Variants in PDZRN3 observed in about 807,000 individuals in gnomAD.
PDZRN3 encodes E3 ubiquitin-protein ligase PDZRN3.
A neutral mutation model predicts 85.7 loss-of-function variants in PDZRN3; 38 were observed. That is an observed-to-expected ratio of 0.44 (90% CI 0.34 to 0.58). The LOEUF (loss-of-function observed/expected upper bound fraction) is 0.58. PDZRN3 is among the 20% of genes least tolerant of loss of function. PDZRN3 has a pLI of 0.01. For missense variants in PDZRN3, 1,629 were observed against 1,506.4 expected, an observed-to-expected ratio of 1.08 and a Z score of -1.35; for synonymous variants, 759 against 638.0, an observed-to-expected ratio of 1.19 and a Z score of -2.86.
chr3:73,533,250 G>A (rs1704701019), intron 3 of PDZRN3, among the ~76,000 whole-genome samples: 1 of 152,124 alleles, frequency 6.6e-6, no homozygotes, highest in Non-Finnish European at 1.5e-5. Flanking sequence ...TAAGGCAAAA[G>A]CAACTGAATC....
chr3:73,543,549 C>T (rs1701338560), intron 3 of PDZRN3, among the ~76,000 whole-genome samples: 1 of 152,218 alleles, frequency 6.6e-6, no homozygotes, highest in African/African-American at 2.4e-5. Context: ...TTTCTCTTTA[C>T]TAGGGTTTCT....
At chr3:73,504,685 A>G (rs1206487894) in intron 3 of PDZRN3, among the ~76,000 whole-genome samples, 2 of 152,184 alleles carry the variant, frequency 1.3e-5, no homozygotes, top group African/African-American at 4.8e-5. Context: ...AAGTGAAATA[A>G]TGCTGTGACT....
At chr3:73,526,762 A>G (rs890587639) in intron 3 of PDZRN3, among the ~76,000 whole-genome samples, 4 of 152,032 alleles carry the variant, frequency 2.6e-5, no homozygotes, top group Admixed American at 2.6e-4. Flanking sequence ...ATCTCGACTC[A>G]CTGCAACCTC....
intron 3 of PDZRN3, among the ~76,000 whole-genome samples, chr3:73,501,028 ATCTTC>A (rs1481715778): frequency 1.3e-5 from 2 of 151,892 alleles, no homozygotes; most frequent in Non-Finnish European, 2.9e-5. Flanking sequence ...CTTGTTTTCC[ATCTTC>A]TCTTCTCTTT....
chr3:73,624,057 C>G (rs1057444725), intron 1 of PDZRN3, 46 bp downstream of exon 1: 88 of 1,393,730 alleles, frequency 6.3e-5, no homozygotes, highest in Non-Finnish European at 8.1e-5. Context: ...GGCCCTGGGT[C>G]CCCAGGGATC....
At chr3:73,482,124 T>C (rs1020428571) in intron 3 of PDZRN3, among the ~76,000 whole-genome samples, 2 of 152,188 alleles carry the variant, frequency 1.3e-5, no homozygotes, top group Admixed American at 6.5e-5. Context: ...AATGTGATGA[T>C]TAGTTATGTC....
At chr3:73,512,275 A>G (rs1704179940) in intron 3 of PDZRN3, among the ~76,000 whole-genome samples, 1 of 152,182 alleles carries the variant, frequency 6.6e-6, no homozygotes, top group Non-Finnish European at 1.5e-5. Context: ...AACACCTGGA[A>G]CTCTGTGCAC....
At chr3:73,450,752 A>G (rs1418357608) in intron 3 of PDZRN3, among the ~76,000 whole-genome samples, 2 of 152,188 alleles carry the variant, frequency 1.3e-5, no homozygotes, top group East Asian at 3.9e-4. Context: ...CACCATTACT[A>G]TCTCTGCATC....
chr3:73,513,382 T>C (rs1295867936), intron 3 of PDZRN3, among the ~76,000 whole-genome samples: 5 of 152,212 alleles, frequency 3.3e-5, no homozygotes, highest in African/African-American at 1.2e-4. Context: ...AGAGACTGCA[T>C]AGAGGCTCTT....
chr3:73,623,311 A>AT (rs531657773), intron 1 of PDZRN3, among the ~76,000 whole-genome samples: 14 of 152,360 alleles, frequency 9.2e-5, no homozygotes, highest in South Asian at 8.3e-4. Flanking sequence ...GTCAGCAAAA[A>AT]GCCCAGATTT....
chr3:73,404,556 G>A (rs1286263956), intron 3 of PDZRN3, 161 bp from the exon 4 acceptor site: 3 of 669,112 alleles, frequency 4.5e-6, no homozygotes, highest in African/African-American at 3.6e-5. Context: ...CCCGAAGAAT[G>A]CCTGGTGGAA....
chr3:73,384,371 CTGG>C lies in PDZRN3; in HGVS notation c.2192_2194del (p.Thr731del), dbSNP rs751727323. On this transcript the variant is annotated inframe_deletion, in exon 10 of 10. Transcript: ENST00000263666. Reference sequence around the variant, plus strand: ...GAGCTCGTGTCTGCGCACGTCGATGCTGGTGTTGTAGTTGCGGAAGCCGCTGTT... The same window carrying C: ...GAGCTCGTGTCTGCGCACGTCGATGCTGTTGTAGTTGCGGAAGCCGCTGTT... The C allele has an allele frequency of 3.1e-6, 5 of 1,609,534 alleles. No individual in the cohort carries two copies. The South Asian group carries it at 5.5e-5, about 18-fold the overall frequency.
At chr3:73,485,278 C>A (rs941292630) in intron 3 of PDZRN3, among the ~76,000 whole-genome samples, 1 of 150,494 alleles carries the variant, frequency 6.6e-6, no homozygotes, top group African/African-American at 2.4e-5. Context: ...TACCAATTAA[C>A]TTATAATTGG....
At chr3:73,433,820 G>C in intron 3 of PDZRN3, 6 of 1,473,950 alleles carry the variant, frequency 4.1e-6, no homozygotes. Flanking sequence ...TGAGTCAAGC[G>C]ACTGCAACGC....
chr3:73,577,486 C>A (rs927736980), intron 3 of PDZRN3, among the ~76,000 whole-genome samples: 5 of 152,180 alleles, frequency 3.3e-5, no homozygotes, highest in African/African-American at 9.7e-5. Context: ...TTCCACCCTG[C>A]TCTCTGTCCC....
At position 73,624,389 on chromosome 3, in the gene PDZRN3, C is replaced by T; in HGVS notation, c.437G>A (p.Cys146Tyr). Reference protein sequence around the residue: ...ARPVGRCQEGCGLPLTHGEQR... With the variant: ...ARPVGRCQEGYGLPLTHGEQR... The stretch of plus-strand genomic sequence containing the variant: ...CTCGCCGTGCGTCAAGGGTAGCCCG[C>T]AGCCCTCCTGGCAGCGGCCCACTGG... Residue 146 changes from cysteine (C) to tyrosine (Y), a missense_variant, in exon 1 of 10, where the codon TGC becomes TAC. Physicochemically the swap from Cys to Tyr is radical, Grantham distance 194. Coordinates refer to ENST00000263666, the MANE Select transcript of PDZRN3 (RefSeq NM_015009.3). 1 of 1,312,652 alleles carries T rather than the reference C, an allele frequency of 7.6e-7. No individual in the cohort carries two copies. Among genetic ancestry groups the T allele is most frequent in the Non-Finnish European group, 9.6e-7 (1 of 1,037,070 alleles). The allele number at this position is 1,312,652 out of a possible 1,614,324, so 81.3% of individuals were successfully genotyped here. A position where few individuals can be genotyped will look rare whatever the true frequency, so the allele number is the denominator to read the frequency against.
chr3:73,468,905 A>G (rs1703277234), intron 3 of PDZRN3, among the ~76,000 whole-genome samples: 1 of 152,116 alleles, frequency 6.6e-6, no homozygotes, highest in Admixed American at 6.5e-5. Context: ...CCCTCAAAGG[A>G]GCTACTATGA....
At chr3:73,487,041 T>G (rs1703677361) in intron 3 of PDZRN3, among the ~76,000 whole-genome samples, 1 of 152,180 alleles carries the variant, frequency 6.6e-6, no homozygotes, top group African/African-American at 2.4e-5. Context: ...CATCTAAATA[T>G]TCAAAACTTC....
chr3:73,449,110 C>T lies in PDZRN3; in HGVS notation c.919-44715G>A, dbSNP rs147156515. On this transcript the variant is annotated intron_variant, in intron 3 of 9. Transcript: ENST00000263666. ...ATTAAAGCATAAAATATTCTCATTT[C>T]ATGGTGGGGCTAACAAGTGAAACTA... Among the ~76,000 whole-genome samples, 983 of 152,222 alleles carry T rather than the reference C, an allele frequency of 6.5e-3. 12 individuals are homozygous for T. Among genetic ancestry groups the T allele is most frequent in the African/African-American group, 0.023 (936 of 41,522 alleles).
Sources: gnomAD v4.1 joint callset for allele counts (sites outside exome capture counted in the v4.1 genomes callset) on GRCh38, gnomAD v4.1.1 for gene constraint, MANE v1.5 for transcripts, NCBI Gene and HGNC (gene_info 2026-07-23, HGNC 2026-07-21) for gene names.